The following ERBIN variants were observed in gnomAD, a reference collection of about 807,000 sequenced individuals.
The protein encoded by ERBIN is erbb2 interacting protein.
A neutral mutation model predicts 158.4 loss-of-function variants in ERBIN; 60 were observed. That is an observed-to-expected ratio of 0.38 (90% CI 0.31 to 0.47). The LOEUF (loss-of-function observed/expected upper bound fraction) is 0.47, where lower values mean the gene tolerates loss of function less well. Among genes scored for constraint, ERBIN ranks in the 20% least tolerant of loss-of-function variants. ERBIN has a pLI of 0.99. For synonymous variants in ERBIN, 594 were observed against 557.2 expected (o/e 1.07, Z -0.93); for missense variants, 1,610 against 1,648.0 (o/e 0.98, Z 0.40).
intron 10 of ERBIN, among the ~76,000 whole-genome samples, chr5:66,024,841 A>C (rs1756063780): frequency 2.0e-5 from 3 of 152,106 alleles, no homozygotes; most frequent in African/African-American, 7.2e-5. Context: ...GAGTCTGTGT[A>C]GTTGCTTGTT....
chr5:65,970,773 T>G (rs1026106146), intron 1 of ERBIN, among the ~76,000 whole-genome samples: 22 of 152,196 alleles, frequency 1.4e-4, no homozygotes, highest in African/African-American at 5.1e-4. Context: ...TTTATTTTTA[T>G]TTTTAGAGAC....
At chr5:66,058,097 G>A (rs201187396) in intron 21 of ERBIN, among the ~76,000 whole-genome samples, 193 of 140,956 alleles carry the variant, frequency 1.4e-3, no homozygotes, top group South Asian at 2.5e-3. Context: ...CTAGATCCCT[G>A]AGGAATCGCC....
At chr5:65,941,188 G>T (rs1395656428) in intron 1 of ERBIN, among the ~76,000 whole-genome samples, 1 of 151,934 alleles carries the variant, frequency 6.6e-6, no homozygotes, top group Non-Finnish European at 1.5e-5. Context: ...GTGGAAGGCC[G>T]CAGGGTCCTC....
intron 1 of ERBIN, among the ~76,000 whole-genome samples, chr5:65,928,865 GT>G (rs1411066970): frequency 1.3e-5 from 2 of 152,164 alleles, no homozygotes; most frequent in African/African-American, 4.8e-5. Flanking sequence ...TAATAGAGGA[GT>G]CATCCGTTAA....
chr5:66,069,578 A>G (rs777640635), intron 21 of ERBIN, among the ~76,000 whole-genome samples: 6 of 152,232 alleles, frequency 3.9e-5, no homozygotes, highest in African/African-American at 4.8e-5. Flanking sequence ...AGTGAAGAAG[A>G]AAGGTTTATG....
At chr5:66,066,600 T>G (rs1237526947) in intron 21 of ERBIN, among the ~76,000 whole-genome samples, 1 of 152,046 alleles carries the variant, frequency 6.6e-6, no homozygotes, top group Non-Finnish European at 1.5e-5. Context: ...TTTCAAGATT[T>G]ATTTAATTAA....
chr5:66,041,788 G>A (rs949668481), intron 15 of ERBIN, among the ~76,000 whole-genome samples: 20 of 152,184 alleles, frequency 1.3e-4, no homozygotes, highest in African/African-American at 4.6e-4. Context: ...GTTGGAAACT[G>A]CTGGGCTGTC....
chr5:66,053,837 A>G lies in ERBIN; in HGVS notation c.2519A>G (p.Asp840Gly), dbSNP rs1339079059. The G allele has an allele frequency of 3.7e-6, 6 of 1,614,124 alleles. No homozygotes were observed. Among genetic ancestry groups the G allele is most frequent in the African/African-American group, 1.3e-5 (1 of 75,062 alleles). Residue 840 changes from aspartate (D) to glycine (G), a missense_variant, in exon 21 of 26, where the codon GAC (aspartate) becomes GGC (glycine). Transcript: ENST00000284037. ...TCTCCTAATAGGACTGAACCACATG[A>G]CAGTGATTGTTCTGTTGACTTAGGT... ...SQSPNRTEPH[D>G]SDCSVDLGIS...
intron 21 of ERBIN, among the ~76,000 whole-genome samples, chr5:66,069,987 T>A (rs1230540784): frequency 6.6e-6 from 1 of 152,196 alleles, no homozygotes; most frequent in Non-Finnish European, 1.5e-5. Flanking sequence ...CCTATGCTGT[T>A]AAGAGTGGCA....
At chr5:65,977,255 C>T (rs1200443096) in intron 1 of ERBIN, among the ~76,000 whole-genome samples, 3 of 151,438 alleles carry the variant, frequency 2.0e-5, no homozygotes, top group African/African-American at 7.3e-5. Context: ...GCTGACCCCC[C>T]CACCTCCCTC....
chr5:66,013,777 C>CTTTGT, intron 6 of ERBIN, 139 bp downstream of exon 6: 1 of 570,782 alleles, frequency 1.8e-6, no homozygotes, highest in Non-Finnish European at 3.0e-6. Context: ...GACTTTTATA[C>CTTTGT]TTTGTTTGGT....
At chr5:65,964,499 TATA>T (rs1748302459) in intron 1 of ERBIN, among the ~76,000 whole-genome samples, 1 of 152,246 alleles carries the variant, frequency 6.6e-6, no homozygotes, top group Non-Finnish European at 1.5e-5. Context: ...ATAATTCTGA[TATA>T]CTCATTTGTA....
At chr5:66,032,264 T>A (rs1756966773) in intron 14 of ERBIN, among the ~76,000 whole-genome samples, 1 of 152,196 alleles carries the variant, frequency 6.6e-6, no homozygotes, top group Admixed American at 6.5e-5. Flanking sequence ...TAAGATTTTT[T>A]AAAATCTTGT....
chr5:66,025,615 T>C, intron 11 of ERBIN, 63 bp downstream of exon 11: 1 of 1,214,020 alleles, frequency 8.2e-7, no homozygotes, highest in Non-Finnish European at 1.2e-6. Context: ...ATGCCATACA[T>C]ATTTTCAGGT....
chr5:66,040,878 A>C (rs1401746943), intron 15 of ERBIN, among the ~76,000 whole-genome samples: 2 of 151,806 alleles, frequency 1.3e-5, no homozygotes, highest in African/African-American at 2.4e-5. Context: ...AAAGATTCTA[A>C]AGGTAGATAG....
At chr5:65,981,614 A>G (rs1750657774) in intron 1 of ERBIN, among the ~76,000 whole-genome samples, 1 of 152,166 alleles carries the variant, frequency 6.6e-6, no homozygotes, top group African/African-American at 2.4e-5. Context: ...AAAGGAAATA[A>G]CTATTTAAAA....
chr5:65,940,792 A>T (rs1013121734), intron 1 of ERBIN, among the ~76,000 whole-genome samples: 1 of 150,322 alleles, frequency 6.7e-6, no homozygotes. Flanking sequence ...CCCTCTGCCC[A>T]GCCACCACCC....
At chr5:65,977,623 A>G (rs1750122651) in intron 1 of ERBIN, among the ~76,000 whole-genome samples, 1 of 146,754 alleles carries the variant, frequency 6.8e-6, no homozygotes, top group Non-Finnish European at 1.5e-5. Flanking sequence ...GGCGCTCCTC[A>G]CTTCCTAGAT....
At chr5:66,037,156 A>G (rs528832382) in intron 14 of ERBIN, among the ~76,000 whole-genome samples, 7 of 152,294 alleles carry the variant, frequency 4.6e-5, no homozygotes, top group African/African-American at 1.7e-4. Flanking sequence ...TCATCTGCTA[A>G]GAAGCCAAAA....
Sources: allele counts gnomAD v4.1 joint callset (sites outside exome capture counted in the v4.1 genomes callset), GRCh38; gene constraint gnomAD v4.1.1; transcripts MANE v1.5; gene names NCBI Gene and HGNC (gene_info 2026-07-23, HGNC 2026-07-21).